Variants in TENM3 observed in about 807,000 individuals in gnomAD.
TENM3 encodes teneurin-3.
In TENM3, 63 loss-of-function variants were observed where a neutral mutation model predicts 255.1. The observed-to-expected ratio is 0.25, with a 90% CI of 0.20 to 0.30. The LOEUF (loss-of-function observed/expected upper bound fraction) is 0.30, where lower values mean the gene tolerates loss of function less well. Among genes scored for constraint, TENM3 ranks in the 10% least tolerant of loss-of-function variants. The probability of loss-of-function intolerance (pLI) is 1.00; values close to 1 mark genes in which losing one functional copy is unlikely to be tolerated. For missense variants in TENM3, 2,929 were observed against 3,461.1 expected (o/e 0.85, Z 3.86); for synonymous variants, 1,306 against 1,322.3 (o/e 0.99, Z 0.27).
At position 182,751,812 on chromosome 4, in the gene TENM3, T is replaced by G. The variant is rs1174561821; in HGVS notation, c.3642T>G (p.Ala1214=). ...ATCCTTTTCACAGCAGCAACCCAGCTCATAGATACTACCTTGCAACGGATC... is the reference window on the plus strand; with the variant it reads ...ATCCTTTTCACAGCAGCAACCCAGCGCATAGATACTACCTTGCAACGGATC... ...TSVLELSSNP[A]HRYYLATDPV... The change falls in exon 20 of 28, where the codon GCT becomes GCG. Residue 1214 remains alanine, a synonymous_variant. Transcript: ENST00000511685. 5 of 1,613,440 alleles carry G rather than the reference T, an allele frequency of 3.1e-6. No individual in the cohort carries two copies. In the African/African-American group the frequency reaches 5.3e-5, roughly 17 times the overall value.
At chr4:182,767,469 G>A (rs756054252) in intron 22 of TENM3, among the ~76,000 whole-genome samples, 1 of 152,084 alleles carries the variant, frequency 6.6e-6, no homozygotes, top group Non-Finnish European at 1.5e-5. Context: ...AAGATGGAGG[G>A]GATTGTTTGT....
At chr4:182,228,897 A>G (rs575063945) in intron 1 of TENM3, among the ~76,000 whole-genome samples, 5 of 152,268 alleles carry the variant, frequency 3.3e-5, no homozygotes, top group African/African-American at 1.2e-4. Flanking sequence ...AGGTACTGAC[A>G]TCTTTTCCTT....
the TENM3 span, among the ~76,000 whole-genome samples, chr4:181,472,750 G>A: frequency 6.6e-6 from 1 of 152,144 alleles, no homozygotes; most frequent in Admixed American, 6.5e-5. Flanking sequence ...CAGCGTAAAG[G>A]CTGAGAGCCC....
At chr4:182,188,966 T>C (rs1015249140) in intron 1 of TENM3, among the ~76,000 whole-genome samples, 2 of 152,118 alleles carry the variant, frequency 1.3e-5, no homozygotes, top group African/African-American at 4.8e-5. Context: ...AGGATTATGT[T>C]AAATATTTTA....
chr4:182,204,790 C>A (rs1754439921), intron 1 of TENM3, among the ~76,000 whole-genome samples: 1 of 151,976 alleles, frequency 6.6e-6, no homozygotes, highest in Admixed American at 6.6e-5. Context: ...TTAAAAAAAC[C>A]CAAAAGAAAC....
chr4:182,146,836 T>G (rs1208227640), intron 1 of TENM3, among the ~76,000 whole-genome samples: 1 of 152,204 alleles, frequency 6.6e-6, no homozygotes, highest in African/African-American at 2.4e-5. Context: ...ATTTATGGAA[T>G]TGTGACTAGT....
chr4:182,004,850 G>C, the TENM3 span, among the ~76,000 whole-genome samples: 1 of 152,004 alleles, frequency 6.6e-6, no homozygotes, highest in Non-Finnish European at 1.5e-5. Context: ...TCTCATGTTT[G>C]TTGACCATGT....
chr4:182,420,395 A>G lies in TENM3; in HGVS notation c.511+73466A>G, dbSNP rs549262284. 3.8e-4 allele frequency among the ~76,000 whole-genome samples: 58 copies of G among 152,322 alleles called. 1 individual carries two copies. The South Asian group carries it at 0.012, about 32-fold the overall frequency. ...ATCCATAGACAATAATTCATTCATA[A>G]CTTTCTCTCTCAGTCACCACACACA... On this transcript the variant is annotated intron_variant, in intron 3 of 27. Coordinates refer to ENST00000511685, the MANE Select transcript of TENM3 (RefSeq NM_001080477.4).
rs567369046 is a variant in TENM3 at position 182,432,583 on chromosome 4, G to A, written c.511+85654G>A. Among the ~76,000 whole-genome samples the A allele has an allele frequency of 2.6e-5, 4 of 152,292 alleles. No homozygotes were observed. The South Asian group carries it at 8.3e-4, about 32-fold the overall frequency. On this transcript the variant is annotated intron_variant, in intron 3 of 27. Transcript: ENST00000511685. ...GCCAAGTGATGACCAACCTTGAGGGGACAGGAAAGATTTCAGGACAGAAGA... is the reference window on the plus strand; with the variant it reads ...GCCAAGTGATGACCAACCTTGAGGGAACAGGAAAGATTTCAGGACAGAAGA...
intron 1 of TENM3, among the ~76,000 whole-genome samples, chr4:182,233,448 C>T (rs1250973699): frequency 6.6e-6 from 1 of 152,216 alleles, no homozygotes; most frequent in Admixed American, 6.5e-5. Flanking sequence ...ACAAGACTGC[C>T]TCAAAACAAA....
At chr4:182,101,998 G>A in the TENM3 span, among the ~76,000 whole-genome samples, 24 of 152,286 alleles carry the variant, frequency 1.6e-4, 1 homozygote, top group African/African-American at 4.6e-4. Context: ...GGGAGTGCTC[G>A]CTCTCAGAGA....
chr4:182,786,950 C>T (rs1026986261), intron 24 of TENM3, among the ~76,000 whole-genome samples: 1 of 152,194 alleles, frequency 6.6e-6, no homozygotes, highest in Non-Finnish European at 1.5e-5. Flanking sequence ...TGCAAAACCT[C>T]TTCTTGAGGC....
the TENM3 span, among the ~76,000 whole-genome samples, chr4:181,516,380 A>AAG: frequency 6.6e-6 from 1 of 151,414 alleles, no homozygotes. Flanking sequence ...AAAAAAAAAA[A>AAG]AAGAAAGAAA....
the TENM3 span, among the ~76,000 whole-genome samples, chr4:181,521,220 A>T: frequency 6.6e-6 from 1 of 152,234 alleles, no homozygotes; most frequent in Non-Finnish European, 1.5e-5. Context: ...CACTTGAACC[A>T]CATCCTGTAA....
At chr4:182,741,501 A>G (rs1201212544) in intron 18 of TENM3, among the ~76,000 whole-genome samples, 1 of 152,236 alleles carries the variant, frequency 6.6e-6, no homozygotes. Flanking sequence ...AGGAAGGGCC[A>G]ATCGTTCAAA....
chr4:181,551,919 A>G, the TENM3 span, among the ~76,000 whole-genome samples: 1 of 149,196 alleles, frequency 6.7e-6, no homozygotes, highest in Non-Finnish European at 1.5e-5. Flanking sequence ...TCTTTCCAGC[A>G]AATATTATCA....
At chr4:181,481,132 A>AG in the TENM3 span, among the ~76,000 whole-genome samples, 3 of 151,352 alleles carry the variant, frequency 2.0e-5, no homozygotes, top group Non-Finnish European at 4.4e-5. Context: ...ATAAGAAAAA[A>AG]ACCTATAAAA....
the TENM3 span, among the ~76,000 whole-genome samples, chr4:181,652,367 C>T: frequency 6.6e-6 from 1 of 151,698 alleles, no homozygotes; most frequent in Admixed American, 6.6e-5. Flanking sequence ...TACAAACTCT[C>T]TTCCTCCTCG....
At chr4:182,602,248 T>A (rs1212051469) in intron 4 of TENM3, among the ~76,000 whole-genome samples, 1 of 152,160 alleles carries the variant, frequency 6.6e-6, no homozygotes, top group Non-Finnish European at 1.5e-5. Context: ...TGCCCCAGGG[T>A]TTCCGTTAGG....
Sources: gnomAD v4.1 joint callset for allele counts (sites outside exome capture counted in the v4.1 genomes callset) on GRCh38, gnomAD v4.1.1 for gene constraint, MANE v1.5 for transcripts, NCBI Gene and HGNC (gene_info 2026-07-23, HGNC 2026-07-21) for gene names.